Variants in ALG14 observed in about 807,000 individuals in gnomAD.
ALG14 encodes the protein ALG14 UDP-N-acetylglucosaminyltransferase subunit.
A neutral mutation model predicts 22.8 loss-of-function variants in ALG14; 17 were observed. The observed-to-expected ratio is 0.75, with a 90% CI of 0.51 to 1.12. The LOEUF (loss-of-function observed/expected upper bound fraction) is 1.12, where lower values mean the gene tolerates loss of function less well. Among genes scored for constraint, ALG14 ranks in the 50% most tolerant of loss-of-function variants. ALG14 has a pLI of 0.00. For missense variants in ALG14, 288 were observed against 271.8 expected (o/e 1.06, Z -0.42); for synonymous variants, 89 against 103.7 (o/e 0.86, Z 0.86).
chr1:94,998,761 T>C (rs1672972946), intron 3 of ALG14, among the ~76,000 whole-genome samples: 1 of 152,156 alleles, frequency 6.6e-6, no homozygotes, highest in Non-Finnish European at 1.5e-5. Flanking sequence ...AGGATAGACA[T>C]GGCAGGTAAC....
chr1:95,039,274 G>C (rs1402419546), intron 2 of ALG14, among the ~76,000 whole-genome samples: 2 of 152,186 alleles, frequency 1.3e-5, no homozygotes, highest in Non-Finnish European at 2.9e-5. Flanking sequence ...AATGGGAGCA[G>C]AAATGCATTC....
chr1:94,991,667 T>G (rs1372185250), intron 3 of ALG14, among the ~76,000 whole-genome samples: 2 of 152,198 alleles, frequency 1.3e-5, no homozygotes, highest in Non-Finnish European at 2.9e-5. Context: ...TTATGAACAC[T>G]GTACACTTAG....
chr1:94,974,916 G>A lies in ALG14; in HGVS notation c.*8160C>T, dbSNP rs1672366020. On this transcript the variant is annotated 3_prime_UTR_variant, in exon 4 of 4. Coordinates refer to ENST00000370205, the MANE Select transcript of ALG14 (RefSeq NM_144988.4). The stretch of plus-strand genomic sequence containing the variant: ...CTGGAGTGACTCAAATGGCAGGGCT[G>A]GAATAATCTGGAGACTTCTCCTCTT... 1 of 152,178 alleles carries A rather than the reference G, an allele frequency of 6.6e-6. No homozygotes were observed. Among genetic ancestry groups the A allele is most frequent in the South Asian group, 2.1e-4 (1 of 4,828 alleles). 9.4% of individuals were successfully genotyped at this position (152,178 alleles called of 1,614,324 possible).
At position 95,072,928 on chromosome 1, in the gene ALG14, C is replaced by T; in HGVS notation, c.-30G>A. On this transcript the variant is annotated 5_prime_UTR_variant, in exon 1 of 4. Transcript: ENST00000370205. ...AGAAACGGCGCATGCGTCCAACTTC[C>T]GGGGACCAGCCGCTGTCAAAGTTCA... 3.7e-6 allele frequency: 6 copies of T among 1,611,818 alleles called. No individual in the cohort carries two copies. The highest frequency in any genetic ancestry group is 3.4e-6 in the Non-Finnish European group (4 of 1,179,536).
In ALG14 at chr1:94,980,342, G is replaced by C. The variant is rs987058464; in HGVS notation, c.*2734C>G. ...CCTTTTTGAAACAGTTAGACATTCTGACCTGGCAAGCTACTGAGACCTTTT... is the reference window on the plus strand; with the variant it reads ...CCTTTTTGAAACAGTTAGACATTCTCACCTGGCAAGCTACTGAGACCTTTT... On this transcript the variant is annotated 3_prime_UTR_variant, in exon 4 of 4. Coordinates refer to ENST00000370205, the MANE Select transcript of ALG14 (RefSeq NM_144988.4). 6.6e-6 allele frequency: 1 copy of C among 152,130 alleles called. No homozygotes were observed. The highest frequency in any genetic ancestry group is 2.4e-5 in the African/African-American group (1 of 41,440). The allele number at this position is 152,130 out of a possible 1,614,324, so 9.4% of individuals were successfully genotyped here.
chr1:95,012,133 C>T (rs1198928354), intron 3 of ALG14, among the ~76,000 whole-genome samples: 1 of 152,198 alleles, frequency 6.6e-6, no homozygotes, highest in African/African-American at 2.4e-5. Context: ...TTGCCTTCTA[C>T]CATGATTGAG....
intron 2 of ALG14, among the ~76,000 whole-genome samples, chr1:95,059,372 T>C (rs866415320): frequency 7.9e-6 from 1 of 125,804 alleles, no homozygotes; most frequent in Non-Finnish European, 1.6e-5. Context: ...CACTCTAGCC[T>C]GGGTGACAGG....
At chr1:95,032,174 T>TA (rs370935850) in intron 2 of ALG14, among the ~76,000 whole-genome samples, 2,995 of 141,888 alleles carry the variant, frequency 0.021, 99 homozygotes, top group African/African-American at 0.07. Flanking sequence ...TAGTTTGTAG[T>TA]AAAAAAAAAA....
chr1:95,000,444 G>A (rs1189644244), intron 3 of ALG14, among the ~76,000 whole-genome samples: 1 of 150,050 alleles, frequency 6.7e-6, no homozygotes, highest in Non-Finnish European at 1.5e-5. Flanking sequence ...GCTGAGGCAG[G>A]AGGATTACTT....
intron 2 of ALG14, among the ~76,000 whole-genome samples, chr1:95,047,399 A>G (rs1674597867): frequency 1.3e-5 from 2 of 152,094 alleles, no homozygotes; most frequent in South Asian, 4.1e-4. Flanking sequence ...GTTGGAGTGC[A>G]GTGGCGTGAT....
Position 94,980,501 on chromosome 1 carries a change from T to C in ALG14, c.*2575A>G, listed in dbSNP as rs1369493448. ...CAGTCTCCTACAGTAAAAGTTGCAT[T>C]CAGAGTGTTCTAAGAGAAACTGGAA... is the stretch of plus-strand genomic sequence containing the variant. On this transcript the variant is annotated 3_prime_UTR_variant, in exon 4 of 4. Transcript: ENST00000370205. 1 of 152,210 alleles carries C rather than the reference T, an allele frequency of 6.6e-6. No homozygotes were observed. The highest frequency in any genetic ancestry group is 1.5e-5 in the Non-Finnish European group (1 of 68,042). 9.4% of individuals were successfully genotyped at this position (152,210 alleles called of 1,614,324 possible).
intron 2 of ALG14, among the ~76,000 whole-genome samples, chr1:95,045,608 T>C (rs372841599): frequency 6.6e-6 from 1 of 151,876 alleles, no homozygotes. Flanking sequence ...TGTATAGTAT[T>C]AGCATACTGT....
At chr1:95,066,349 G>A (rs61774268) in intron 1 of ALG14, among the ~76,000 whole-genome samples, 116 of 151,934 alleles carry the variant, frequency 7.6e-4, no homozygotes, top group South Asian at 1.5e-3. Flanking sequence ...TCAGCCTCCC[G>A]AGTAGCTGCA....
At chr1:95,025,781 A>G (rs1330396379) in intron 3 of ALG14, among the ~76,000 whole-genome samples, 1 of 152,192 alleles carries the variant, frequency 6.6e-6, no homozygotes, top group Non-Finnish European at 1.5e-5. Context: ...CAGTCTTTAC[A>G]GAATTAAAGA....
chr1:94,979,640 C>T lies in ALG14; in HGVS notation c.*3436G>A, dbSNP rs1672462943. The T allele has an allele frequency of 6.6e-6, 1 of 151,998 alleles. No individual in the cohort carries two copies. Among genetic ancestry groups the T allele is most frequent in the African/African-American group, 2.4e-5 (1 of 41,368 alleles). 9.4% of individuals were successfully genotyped at this position (151,998 alleles called of 1,614,324 possible). ...GGGATAATGAAACAAAAAAGGCAAC[C>T]AATTATAATTGGGTAAAGAAAGAGT... On this transcript the variant is annotated 3_prime_UTR_variant, in exon 4 of 4. Transcript: ENST00000370205.
intron 3 of ALG14, among the ~76,000 whole-genome samples, chr1:95,020,734 G>A (rs1428192188): frequency 5.0e-5 from 5 of 99,434 alleles, no homozygotes; most frequent in Non-Finnish European, 5.7e-5. Flanking sequence ...GCAAAACTCC[G>A]TCTCAAAAAA....
chr1:95,037,610 T>G (rs1245435098), intron 2 of ALG14, among the ~76,000 whole-genome samples: 2 of 152,204 alleles, frequency 1.3e-5, no homozygotes, highest in Admixed American at 1.3e-4. Context: ...GGACCAAGCC[T>G]CGCCAGAAAT....
chr1:95,043,354 A>G (rs2100800901), intron 2 of ALG14, among the ~76,000 whole-genome samples: 1 of 152,156 alleles, frequency 6.6e-6, no homozygotes, highest in African/African-American at 2.4e-5. Context: ...GGGTTGGGGG[A>G]GCACTCTTGG....
chr1:95,011,133 A>G lies in ALG14; in HGVS notation c.420+15996T>C, dbSNP rs149155964. On this transcript the variant is annotated intron_variant, in intron 3 of 3. Transcript: ENST00000370205. ...CCAATTACTTCCTGCTATGGACTGA[A>G]TATCTGTGACCTTCCAAAATTCATC... 1.8e-4 allele frequency among the ~76,000 whole-genome samples: 28 copies of G among 152,290 alleles called. 1 individual carries two copies. In the East Asian group the frequency reaches 4.4e-3, roughly 24 times the overall value.
Sources: gnomAD v4.1 joint callset for allele counts (sites outside exome capture counted in the v4.1 genomes callset) on GRCh38, gnomAD v4.1.1 for gene constraint, MANE v1.5 for transcripts, NCBI Gene and HGNC (gene_info 2026-07-23, HGNC 2026-07-21) for gene names.